The following TCTN1 variants were observed in gnomAD, a reference collection of about 807,000 sequenced individuals.
TCTN1 encodes the protein tectonic family member 1.
In TCTN1, 58 loss-of-function variants were observed where a neutral mutation model predicts 65.8. The ratio of observed to expected loss-of-function variants is 0.88; its 90% confidence interval spans 0.71 to 1.10. TCTN1 has a LOEUF of 1.10. Among genes scored for constraint, TCTN1 ranks in the 50% least tolerant of loss-of-function variants. The pLI, the probability that TCTN1 is intolerant of heterozygous loss-of-function variation, is 0.00. For synonymous variants in TCTN1, 273 were observed against 289.1 expected (o/e 0.94, Z 0.57); for missense variants, 645 against 719.4 (o/e 0.90, Z 1.18).
At chr12:110,619,660 G>T (rs2065280625) in intron 1 of TCTN1, among the ~76,000 whole-genome samples, 176 bp from the exon 2 acceptor site, 1 of 152,182 alleles carries the variant, frequency 6.6e-6, no homozygotes, top group African/African-American at 2.4e-5. Context: ...GGAAACCTCT[G>T]ATTGTGGGAT....
chr12:110,640,256 C>A lies in TCTN1; in HGVS notation c.844-127C>A. On this transcript the variant is annotated intron_variant, in intron 7 of 14. Transcript: ENST00000397659. This position sits in a 1 kb window ranked among gnomAD's most constrained non-coding sequence, Gnocchi z 4.9. ...GCAAATGTGGATCATAGTATATACA[C>A]TGTTGTGTAGCATGCTTCCCCCTAC... 1.9e-6 allele frequency: 2 copies of A among 1,078,296 alleles called. No homozygotes were observed. Among genetic ancestry groups the A allele is most frequent in the African/African-American group, 1.6e-5 (1 of 64,474 alleles). The allele number at this position is 1,078,296 out of a possible 1,614,324, so 66.8% of individuals were successfully genotyped here.
rs905197346 is a variant in TCTN1 at position 110,647,829 on chromosome 12, C to A, written c.1716C>A (p.Gly572=). The change falls in exon 14 of 15, where the codon GGC becomes GGA. Residue 572 remains glycine, a synonymous_variant. Coordinates refer to ENST00000397659, the MANE Select transcript of TCTN1 (RefSeq NM_001082538.3). ...FVDVSAPAEA[G]FRAPPAINAR... ...ATGTGTCTGCACCTGCAGAGGCAGG[C>A]TTCAGAGCTCCACCAGCCATCAATG... 19 of 1,614,222 alleles carry A rather than the reference C, an allele frequency of 1.2e-5. No homozygotes were observed. Among genetic ancestry groups the A allele is most frequent in the Non-Finnish European group, 1.6e-5 (19 of 1,180,054 alleles).
chr12:110,631,183 C>G (rs907103587), intron 4 of TCTN1, among the ~76,000 whole-genome samples: 2 of 151,774 alleles, frequency 1.3e-5, no homozygotes, highest in Admixed American at 1.3e-4. Context: ...CCAGGCTGGT[C>G]TTCAGCTAAT....
rs75067023 is a variant in TCTN1, at chr12:110,615,235, C to T, written c.220+833C>T. ...GCAGAGGTTGCAGTAATTACCACTG[C>T]ACTCCAGACTGGGCGACAGAGCAAG... On this transcript the variant is annotated intron_variant, in intron 1 of 14. Coordinates refer to ENST00000397659, the MANE Select transcript of TCTN1 (RefSeq NM_001082538.3). Among the ~76,000 whole-genome samples, 49 of 152,082 alleles carry T rather than the reference C, an allele frequency of 3.2e-4. No homozygotes were observed. The East Asian group carries it at 9.3e-3, about 29-fold the overall frequency.
intron 2 of TCTN1, 25 bp from the exon 3 acceptor site, chr12:110,626,337 G>A: frequency 6.5e-7 from 1 of 1,548,674 alleles, no homozygotes; most frequent in Non-Finnish European, 8.7e-7. Context: ...TTGTAACTTT[G>A]TATTATTATT....
At chr12:110,647,724 C>T in intron 13 of TCTN1, 25 bp from the exon 14 acceptor site, 1 of 1,614,140 alleles carries the variant, frequency 6.2e-7, no homozygotes, top group East Asian at 2.2e-5. Flanking sequence ...GGAGGGTGGG[C>T]CTTGCATCTC....
In TCTN1 at chr12:110,640,840, A is replaced by T. The variant is rs983648912; in HGVS notation, c.979-184A>T. ...TCTGTAATTGGGCAGAGTGGCTCAG[A>T]TGACCCTGTCTGCTAGGGGTGGTGC... is the stretch of plus-strand genomic sequence containing the variant. On this transcript the variant is annotated intron_variant, in intron 8 of 14. Transcript: ENST00000397659. The surrounding 1 kb of genome is among the most constrained non-coding windows in gnomAD (Gnocchi z 4.9). Among the ~76,000 whole-genome samples, 4 of 152,208 alleles carry T rather than the reference A, an allele frequency of 2.6e-5. No homozygotes were observed. Among genetic ancestry groups the T allele is most frequent in the Non-Finnish European group, 2.9e-5 (2 of 68,036 alleles).
intron 7 of TCTN1, among the ~76,000 whole-genome samples, chr12:110,636,971 C>T (rs931594599): frequency 9.9e-5 from 15 of 152,206 alleles, no homozygotes; most frequent in Non-Finnish European, 2.1e-4. Flanking sequence ...AAAGCCTTAT[C>T]GCCCCAGCCC....
Position 110,632,678 on chromosome 12 carries a change from C to T in TCTN1, c.712+119C>T, listed in dbSNP as rs563888954. The T allele has an allele frequency of 1.8e-5, 17 of 947,660 alleles. No homozygotes were observed. In the South Asian group the frequency reaches 2.2e-4, roughly 12 times the overall value. 58.7% of individuals were successfully genotyped at this position (947,660 alleles called of 1,614,324 possible). On this transcript the variant is annotated intron_variant, in intron 5 of 14. Transcript: ENST00000397659. ...ACCAAAATCGCAATTATTTTTGCAC[C>T]AACTTAATACTTTACATTTGTAGTA...
intron 2 of TCTN1, among the ~76,000 whole-genome samples, chr12:110,622,955 G>A (rs980053634): frequency 2.0e-5 from 3 of 152,188 alleles, no homozygotes; most frequent in Non-Finnish European, 2.9e-5. Flanking sequence ...CTAGGGAGAA[G>A]TATCTAGATC....
Position 110,641,079 on chromosome 12 carries a change from C to T in TCTN1, c.1034C>T (p.Ser345Leu), listed in dbSNP as rs764428510. ...DAGEVTKADL[S>L]FVLGTVSSVV... ...GGTGAAGTCACCAAAGCTGATCTCTCATTCGTTCTGGGGACAGTTAGCAGC... is the reference window on the plus strand; with the variant it reads ...GGTGAAGTCACCAAAGCTGATCTCTTATTCGTTCTGGGGACAGTTAGCAGC... Residue 345 changes from serine to leucine, a missense_variant, in exon 9 of 15, where the codon TCA becomes TTA. Ser to Leu is a moderately radical substitution (Grantham distance 145, BLOSUM62 -2). Coordinates refer to ENST00000397659, the MANE Select transcript of TCTN1 (RefSeq NM_001082538.3). 1.2e-6 allele frequency: 2 copies of T among 1,614,114 alleles called. No homozygotes were observed. Among genetic ancestry groups the T allele is most frequent in the African/African-American group, 1.3e-5 (1 of 74,938 alleles).
At chr12:110,636,604 C>T (rs1250461408) in intron 7 of TCTN1, 103 bp downstream of exon 7, 1 of 721,104 alleles carries the variant, frequency 1.4e-6, no homozygotes, top group African/African-American at 1.8e-5. Flanking sequence ...TAGAAGGGGA[C>T]CTTGTTGCTA....
chr12:110,642,758 C>T (rs940665765), intron 11 of TCTN1, among the ~76,000 whole-genome samples: 8 of 150,294 alleles, frequency 5.3e-5, no homozygotes, highest in East Asian at 2.0e-4. Flanking sequence ...CCACCACATC[C>T]GGCTTTTTTT....
At chr12:110,618,906 C>A (rs2065231617) in intron 1 of TCTN1, among the ~76,000 whole-genome samples, 1 of 151,744 alleles carries the variant, frequency 6.6e-6, no homozygotes, top group Non-Finnish European at 1.5e-5. Flanking sequence ...AGTGGTGGCT[C>A]ACACCTGTAA....
intron 2 of TCTN1, among the ~76,000 whole-genome samples, chr12:110,622,957 A>G (rs1412338917): frequency 6.6e-6 from 1 of 152,152 alleles, no homozygotes; most frequent in Admixed American, 6.6e-5. Context: ...AGGGAGAAGT[A>G]TCTAGATCTG....
chr12:110,614,472 GTAA>G, intron 1 of TCTN1, 70 bp downstream of exon 1: 2 of 1,550,096 alleles, frequency 1.3e-6, no homozygotes, highest in Admixed American at 2.0e-5. Flanking sequence ...CGGTGAGGAC[GTAA>G]TAATGATAGC....
intron 14 of TCTN1, chr12:110,648,763 G>C (rs2067594679): frequency 1.1e-5 from 3 of 284,336 alleles, no homozygotes; most frequent in African/African-American, 7.0e-5. Flanking sequence ...ACAGAGGAAA[G>C]AATACAGTAG....
chr12:110,634,402 C>A (rs962327512), intron 5 of TCTN1: 2 of 515,020 alleles, frequency 3.9e-6, no homozygotes, highest in Non-Finnish European at 7.5e-6. Context: ...GTAGGCCAGG[C>A]GTACTGGTTC....
Position 110,642,255 on chromosome 12 carries a change from G to A in TCTN1, c.1197G>A (p.Gly399=). ...AAGFQPHKGS[G]IIQTTNRYGQ... ...CCCTTAACTGTCTGTGAATGTCTGG[G>A]ATTATTCAGACCACAAATAGATATG... Residue 399 remains glycine, a synonymous_variant, in exon 11 of 15, where the codon GGG becomes GGA. Transcript: ENST00000397659. The A allele has an allele frequency of 6.2e-7, 1 of 1,614,140 alleles. No homozygotes were observed. The highest frequency in any genetic ancestry group is 8.5e-7 in the Non-Finnish European group (1 of 1,180,040).
Sources: allele counts gnomAD v4.1 joint callset (sites outside exome capture counted in the v4.1 genomes callset), GRCh38; gene constraint gnomAD v4.1.1; non-coding constraint Gnocchi (gnomAD v3.1); transcripts MANE v1.5; gene names NCBI Gene and HGNC (gene_info 2026-07-23, HGNC 2026-07-21).